WDR49: variants seen among roughly 807,000 people sequenced by gnomAD.
The protein encoded by WDR49 is cilia- and flagella-associated protein 337.
A neutral mutation model predicts 119.5 loss-of-function variants in WDR49; 107 were observed. That is an observed-to-expected ratio of 0.90 (90% CI 0.77 to 1.05). The LOEUF is 1.05. Among genes scored for constraint, WDR49 ranks in the 50% least tolerant of loss-of-function variants. The pLI is 0.00. For synonymous variants in WDR49, 425 were observed against 418.8 expected (o/e 1.01, Z -0.18); for missense variants, 1,240 against 1,220.5 (o/e 1.02, Z -0.24).
At chr3:167,479,210 T>G (rs1750600022) in intron 18 of WDR49, among the ~76,000 whole-genome samples, 1 of 152,194 alleles carries the variant, frequency 6.6e-6, no homozygotes, top group South Asian at 2.1e-4. Flanking sequence ...GTTTGTTCTT[T>G]TAATGCATAT....
At chr3:167,533,234 ATTCAGAACAGATGC>A (rs1752912863) in intron 11 of WDR49, among the ~76,000 whole-genome samples, 1 of 152,138 alleles carries the variant, frequency 6.6e-6, no homozygotes, top group African/African-American at 2.4e-5. Flanking sequence ...GTAATAAAGC[ATTCAGAACAGATGC>A]TTTGCAAATA....
intron 10 of WDR49, among the ~76,000 whole-genome samples, chr3:167,554,137 G>A (rs1055092584): frequency 2.0e-5 from 3 of 151,834 alleles, no homozygotes; most frequent in Admixed American, 1.3e-4. Context: ...GAAAAAAAAA[G>A]GAAGGAAAAG....
At chr3:167,572,350 T>C (rs73878760) in intron 8 of WDR49, among the ~76,000 whole-genome samples, 8,135 of 152,320 alleles carry the variant, frequency 0.053, 258 homozygotes, top group Middle Eastern at 0.11. Flanking sequence ...ACGGAAATGT[T>C]CCAAGCTGCT....
intron 18 of WDR49, among the ~76,000 whole-genome samples, chr3:167,494,935 A>C (rs1169188757): frequency 6.6e-6 from 1 of 152,208 alleles, no homozygotes; most frequent in African/African-American, 2.4e-5. Context: ...GACTAAGCCT[A>C]ACTAAATCTG....
At chr3:167,595,057 A>G (rs1715339842) in intron 7 of WDR49, among the ~76,000 whole-genome samples, 2 of 150,006 alleles carry the variant, frequency 1.3e-5, no homozygotes, top group African/African-American at 4.9e-5. Flanking sequence ...AATCACAAGC[A>G]TTCTTATACA....
intron 10 of WDR49, among the ~76,000 whole-genome samples, chr3:167,538,537 T>C (rs114422084): frequency 0.013 from 2,009 of 152,238 alleles, 39 homozygotes; most frequent in African/African-American, 0.045. Flanking sequence ...GCTTCTAGTC[T>C]ACCCATCTCT....
At chr3:167,584,564 A>G (rs1041780318) in intron 7 of WDR49, among the ~76,000 whole-genome samples, 2 of 152,180 alleles carry the variant, frequency 1.3e-5, no homozygotes, top group Non-Finnish European at 2.9e-5. Context: ...TGGTTAAACC[A>G]TCGTATATTA....
chr3:167,621,764 G>A, intron 3 of WDR49, 121 bp from the exon 4 acceptor site: 2 of 922,802 alleles, frequency 2.2e-6, no homozygotes, highest in Non-Finnish European at 1.6e-6. Flanking sequence ...ATCCTTAACA[G>A]TATTACAGAA....
At chr3:167,566,954 G>A in intron 8 of WDR49, 1 of 609,008 alleles carries the variant, frequency 1.6e-6, no homozygotes, top group Non-Finnish European at 2.9e-6. Context: ...AGACCAAAGA[G>A]GTGGAGGAGG....
Position 167,531,276 on chromosome 3 carries a change from G to A in WDR49, c.2057C>T (p.Thr686Ile). The change falls in exon 13 of 19, where the codon ACA (threonine) becomes ATA (isoleucine). Residue 686 changes from threonine to isoleucine, a missense_variant. By Grantham distance (89) the Thr-to-Ile change is moderately conservative. Coordinates refer to ENST00000682715, the MANE Select transcript of WDR49 (RefSeq NM_001366157.1). ...YQRLLKSKLD[T>I]KPQKLLSAGR... The stretch of plus-strand genomic sequence containing the variant: ...AGCACTGAGAAGTTTTTGAGGTTTT[G>A]TATCTGTGAGGGAGACAAAGCCAAG... The A allele has an allele frequency of 6.2e-7, 1 of 1,610,876 alleles. No homozygotes were observed. The highest frequency in any genetic ancestry group is 8.5e-7 in the Non-Finnish European group (1 of 1,179,352).
chr3:167,483,327 T>C (rs1281384363), intron 18 of WDR49, among the ~76,000 whole-genome samples: 1 of 152,204 alleles, frequency 6.6e-6, no homozygotes, highest in African/African-American at 2.4e-5. Context: ...AAAGCCAGAA[T>C]GTTACTTCCG....
At chr3:167,511,230 T>A (rs893568160) in intron 16 of WDR49, among the ~76,000 whole-genome samples, 1 of 152,186 alleles carries the variant, frequency 6.6e-6, no homozygotes, top group African/African-American at 2.4e-5. Context: ...GTTTAATTCC[T>A]AAATGACATT....
At chr3:167,537,234 T>A (rs1347146019) in intron 10 of WDR49, among the ~76,000 whole-genome samples, 1 of 152,184 alleles carries the variant, frequency 6.6e-6, no homozygotes, top group African/African-American at 2.4e-5. Context: ...TATCCTTTCA[T>A]AATCGTTAAC....
At chr3:167,533,633 A>G (rs888173675) in intron 11 of WDR49, among the ~76,000 whole-genome samples, 4 of 152,050 alleles carry the variant, frequency 2.6e-5, no homozygotes, top group African/African-American at 7.2e-5. Flanking sequence ...GTCTTCTCCA[A>G]TCCTGAAGTT....
chr3:167,608,600 C>A (rs1232408601), intron 5 of WDR49, among the ~76,000 whole-genome samples: 1 of 151,926 alleles, frequency 6.6e-6, no homozygotes, highest in Admixed American at 6.6e-5. Flanking sequence ...CCTGAGAGTG[C>A]CTGGGTAAAA....
chr3:167,554,154 T>C (rs991516376), intron 10 of WDR49, among the ~76,000 whole-genome samples: 1 of 152,114 alleles, frequency 6.6e-6, no homozygotes, highest in East Asian at 1.9e-4. Context: ...AAAGTAATTT[T>C]CCTTCTAATG....
intron 2 of WDR49, among the ~76,000 whole-genome samples, chr3:167,643,664 A>G (rs1717985878): frequency 1.3e-5 from 2 of 152,108 alleles, no homozygotes; most frequent in African/African-American, 4.8e-5. Flanking sequence ...CTTTGTTCCT[A>G]GGGAAGTTTA....
At chr3:167,598,123 G>A (rs1715581414) in intron 7 of WDR49, among the ~76,000 whole-genome samples, 1 of 151,968 alleles carries the variant, frequency 6.6e-6, no homozygotes, top group Admixed American at 6.6e-5. Flanking sequence ...TGGCTAACAT[G>A]GTGAACCCTG....
intron 15 of WDR49, among the ~76,000 whole-genome samples, chr3:167,526,392 T>C (rs1752629361): frequency 6.6e-6 from 1 of 152,176 alleles, no homozygotes; most frequent in Non-Finnish European, 1.5e-5. Context: ...GGTCACCCAC[T>C]TGATGACGTT....
Sources: allele counts gnomAD v4.1 joint callset (sites outside exome capture counted in the v4.1 genomes callset), GRCh38; gene constraint gnomAD v4.1.1; transcripts MANE v1.5; gene names NCBI Gene and HGNC (gene_info 2026-07-23, HGNC 2026-07-21).